Variants in KCNMB2 observed in about 807,000 individuals in gnomAD.
KCNMB2 encodes the protein calcium-activated potassium channel subunit beta-2.
KCNMB2 carries 9 observed loss-of-function variants against 24.5 expected under a neutral mutation model. That is an observed-to-expected ratio of 0.37 (90% CI 0.22 to 0.64). The LOEUF is 0.64. Ranked by LOEUF, KCNMB2 falls within the 30% of genes least tolerant of loss-of-function variation. The pLI, the probability that KCNMB2 is intolerant of heterozygous loss-of-function variation, is 0.63. For synonymous variants in KCNMB2, 109 were observed against 104.4 expected, an observed-to-expected ratio of 1.04 and a Z score of -0.27; for missense variants, 226 against 284.3, an observed-to-expected ratio of 0.79 and a Z score of 1.47.
chr3:178,799,317 G>C (rs141241004), intron 1 of KCNMB2, among the ~76,000 whole-genome samples: 1 of 151,988 alleles, frequency 6.6e-6, no homozygotes, highest in African/African-American at 2.4e-5. Context: ...GAATTGATAA[G>C]CAAATTCAGT....
At chr3:178,756,301 C>A (rs183721616) in intron 1 of KCNMB2, among the ~76,000 whole-genome samples, 289 of 151,326 alleles carry the variant, frequency 1.9e-3, no homozygotes, top group Middle Eastern at 3.4e-3. Flanking sequence ...TGTATATGGG[C>A]AGTCAATTCT....
intron 1 of KCNMB2, among the ~76,000 whole-genome samples, chr3:178,642,951 A>C (rs1210055469): frequency 6.6e-6 from 1 of 152,220 alleles, no homozygotes; most frequent in Non-Finnish European, 1.5e-5. Flanking sequence ...CCTGCAGAAG[A>C]CGTTTGACAC....
chr3:178,653,257 T>C (rs1389785669), intron 1 of KCNMB2, among the ~76,000 whole-genome samples: 1 of 152,148 alleles, frequency 6.6e-6, no homozygotes, highest in Non-Finnish European at 1.5e-5. Context: ...ATTTTCTATC[T>C]GATTTTTGCT....
At chr3:178,678,834 T>G (rs1034196387) in intron 1 of KCNMB2, among the ~76,000 whole-genome samples, 1 of 152,216 alleles carries the variant, frequency 6.6e-6, no homozygotes, top group Non-Finnish European at 1.5e-5. Context: ...GTCACTAGCA[T>G]GGTTATGGCT....
At chr3:178,804,038 ATGG>A in intron 1 of KCNMB2, among the ~76,000 whole-genome samples, 1 of 152,172 alleles carries the variant, frequency 6.6e-6, no homozygotes, top group Non-Finnish European at 1.5e-5. Context: ...AGATCATTTA[ATGG>A]TGGAATTAGA....
At chr3:178,780,501 G>T (rs186529511) in intron 1 of KCNMB2, among the ~76,000 whole-genome samples, 3 of 152,290 alleles carry the variant, frequency 2.0e-5, no homozygotes, top group African/African-American at 7.2e-5. Flanking sequence ...GCCCAGGGAT[G>T]TCCATGACAT....
chr3:178,544,635 G>A (rs1715717082), intron 1 of KCNMB2, among the ~76,000 whole-genome samples: 1 of 152,072 alleles, frequency 6.6e-6, no homozygotes, highest in Non-Finnish European at 1.5e-5. Flanking sequence ...ATACTAAATA[G>A]GGAAAATGTC....
intron 1 of KCNMB2, among the ~76,000 whole-genome samples, chr3:178,626,714 G>A (rs569695789): frequency 4.3e-4 from 66 of 152,072 alleles, no homozygotes; most frequent in African/African-American, 1.4e-3. Flanking sequence ...TCCTCACCAC[G>A]TCTCTCCCTA....
intron 4 of KCNMB2, among the ~76,000 whole-genome samples, chr3:178,838,128 A>G (rs1441618340): frequency 2.0e-5 from 3 of 152,168 alleles, no homozygotes; most frequent in Admixed American, 1.3e-4. Context: ...TTCAAAAAAC[A>G]TTTCTAAAAA....
intron 1 of KCNMB2, among the ~76,000 whole-genome samples, chr3:178,742,100 A>G (rs1289066066): frequency 6.6e-6 from 1 of 152,254 alleles, no homozygotes; most frequent in Non-Finnish European, 1.5e-5. Context: ...ACAGAACGAT[A>G]GCATTGAAAG....
rs1351533743 is a variant in KCNMB2 at position 178,559,902 on chromosome 3, A to G, written c.-68+23191A>G. Among the ~76,000 whole-genome samples, 3 of 148,366 alleles carry G rather than the reference A, an allele frequency of 2.0e-5. No individual in the cohort carries two copies. The East Asian group carries it at 5.8e-4, about 29-fold the overall frequency. On this transcript the variant is annotated intron_variant, in intron 1 of 4. Transcript: ENST00000452583. ...AAGGTCATTTTCCTTGCCCATATTTAGTTTTCCCTGTTTAATAAAAATTAT... is the reference window on the plus strand; with the variant it reads ...AAGGTCATTTTCCTTGCCCATATTTGGTTTTCCCTGTTTAATAAAAATTAT...
chr3:178,631,355 G>A (rs60227536), intron 1 of KCNMB2, among the ~76,000 whole-genome samples: 16 of 152,304 alleles, frequency 1.1e-4, no homozygotes, highest in African/African-American at 3.4e-4. Flanking sequence ...TATTAGTGCT[G>A]TCAGTAACAG....
chr3:178,819,310 C>A (rs1714531950), intron 2 of KCNMB2, among the ~76,000 whole-genome samples: 1 of 152,102 alleles, frequency 6.6e-6, no homozygotes, highest in Non-Finnish European at 1.5e-5. Context: ...ATCACTGTAA[C>A]CCTACACAGT....
rs190079853 is a variant in KCNMB2 at position 178,790,160 on chromosome 3, A to G, written c.-67-17183A>G. 7.9e-5 allele frequency among the ~76,000 whole-genome samples: 12 copies of G among 152,188 alleles called. No individual in the cohort carries two copies. The East Asian group carries it at 2.3e-3, about 30-fold the overall frequency. Reference sequence around the variant, plus strand: ...GACATTTCTAGATACACTGTGGGCCAGAAGGGAACCTACTGCCTTGAAGGG... The same window carrying G: ...GACATTTCTAGATACACTGTGGGCCGGAAGGGAACCTACTGCCTTGAAGGG... On this transcript the variant is annotated intron_variant, in intron 1 of 4. Coordinates refer to ENST00000452583, the MANE Select transcript of KCNMB2 (RefSeq NM_181361.3).
At chr3:178,639,240 C>A (rs1475292783) in intron 1 of KCNMB2, among the ~76,000 whole-genome samples, 1 of 152,176 alleles carries the variant, frequency 6.6e-6, no homozygotes, top group Non-Finnish European at 1.5e-5. Context: ...TTAAGTCTCA[C>A]AGCAATCTGA....
chr3:178,780,619 G>A (rs1257829012), intron 1 of KCNMB2, among the ~76,000 whole-genome samples: 1 of 152,166 alleles, frequency 6.6e-6, no homozygotes, highest in Non-Finnish European at 1.5e-5. Flanking sequence ...CCAGTTAGGA[G>A]GCAATTTGAT....
chr3:178,569,640 G>A (rs1172922793), intron 1 of KCNMB2, among the ~76,000 whole-genome samples: 1 of 143,332 alleles, frequency 7.0e-6, no homozygotes, highest in Non-Finnish European at 1.5e-5. Context: ...TCACAGCCTG[G>A]TGTATTGAAC....
intron 1 of KCNMB2, among the ~76,000 whole-genome samples, chr3:178,758,692 CTCTCTCTA>C (rs369977444): frequency 1.1e-3 from 7 of 6,184 alleles, no homozygotes; most frequent in Non-Finnish European, 1.9e-3. Flanking sequence ...ATATATATCT[CTCTCTCTA>C]CAAGAGGAGA....
chr3:178,814,270 T>C (rs9813953), intron 2 of KCNMB2, among the ~76,000 whole-genome samples: 85,060 of 152,022 alleles, frequency 0.56, 25,731 homozygotes, highest in African/African-American at 0.8. Flanking sequence ...TCGGTTTCTG[T>C]GTTAATTCAC....
Sources: gnomAD v4.1 joint callset for allele counts (sites outside exome capture counted in the v4.1 genomes callset) on GRCh38, gnomAD v4.1.1 for gene constraint, MANE v1.5 for transcripts, NCBI Gene and HGNC (gene_info 2026-07-23, HGNC 2026-07-21) for gene names.